GAB2: variants seen among roughly 807,000 people sequenced by gnomAD.
The protein encoded by GAB2 is GRB2 associated binding protein 2, also known as GRB2-associated-binding protein 2.
In GAB2, 26 loss-of-function variants were observed where a neutral mutation model predicts 65.5. The ratio of observed to expected loss-of-function variants is 0.40; its 90% CI spans 0.29 to 0.55. The LOEUF is 0.55. Among genes scored for constraint, GAB2 ranks in the 20% least tolerant of loss-of-function variants. GAB2 has a pLI of 0.53. For missense variants in GAB2, 884 were observed against 875.8 expected, an observed-to-expected ratio of 1.01 and a Z score of -0.12; for synonymous variants, 321 against 329.6, an observed-to-expected ratio of 0.97 and a Z score of 0.28.
At chr11:78,259,766 A>C (rs1421843329) in intron 2 of GAB2, among the ~76,000 whole-genome samples, 1 of 152,208 alleles carries the variant, frequency 6.6e-6, no homozygotes, top group Non-Finnish European at 1.5e-5. Flanking sequence ...ACAGTTTGAG[A>C]AACTGTGGCC....
chr11:78,279,323 G>A lies in GAB2; in HGVS notation c.376+1278C>T, dbSNP rs145855126. On this transcript the variant is annotated intron_variant, in intron 2 of 9. Transcript: ENST00000361507. ...AGATAGTAATAGTGGAGTGTTAAAC[G>A]AAGTGCAAGACCTTCTAAGGATGGG... 1.5e-4 allele frequency among the ~76,000 whole-genome samples: 23 copies of A among 152,212 alleles called. 1 individual carries two copies. Among genetic ancestry groups the A allele is most frequent in the Admixed American group, 1.5e-3 (23 of 15,288 alleles).
intron 9 of GAB2, among the ~76,000 whole-genome samples, chr11:78,220,005 G>T (rs1370433430): frequency 6.6e-6 from 1 of 152,082 alleles, no homozygotes; most frequent in South Asian, 2.1e-4. Flanking sequence ...CTCATTCCTG[G>T]ATCTGTTGCT....
At chr11:78,241,231 A>C (rs1430226858) in intron 3 of GAB2, among the ~76,000 whole-genome samples, 1 of 152,236 alleles carries the variant, frequency 6.6e-6, no homozygotes, top group African/African-American at 2.4e-5. Context: ...CATGGAGACT[A>C]TACCATTGCA....
chr11:78,331,884 A>C (rs188962059), intron 1 of GAB2, among the ~76,000 whole-genome samples: 68 of 152,250 alleles, frequency 4.5e-4, no homozygotes, highest in African/African-American at 1.4e-3. Flanking sequence ...TATAGCCCAG[A>C]GGACACCATC....
chr11:78,273,111 C>A (rs1866062227), intron 2 of GAB2, among the ~76,000 whole-genome samples: 1 of 152,240 alleles, frequency 6.6e-6, no homozygotes, highest in Non-Finnish European at 1.5e-5. Flanking sequence ...CATGGAAAAC[C>A]TCTGCTAGGG....
intron 2 of GAB2, among the ~76,000 whole-genome samples, chr11:78,266,735 G>C (rs1315330587): frequency 2.6e-5 from 4 of 152,154 alleles, no homozygotes; most frequent in African/African-American, 9.7e-5. Context: ...GAATCACTAA[G>C]AGGAGTTCCA....
At chr11:78,369,881 GTTTT>G (rs1019528215) in intron 1 of GAB2, among the ~76,000 whole-genome samples, 4 of 152,126 alleles carry the variant, frequency 2.6e-5, no homozygotes, top group African/African-American at 7.2e-5. Context: ...CTGGCGTGGG[GTTTT>G]TTGTTTGTTT....
intron 2 of GAB2, among the ~76,000 whole-genome samples, chr11:78,279,079 A>G (rs1866257489): frequency 6.6e-6 from 1 of 152,168 alleles, no homozygotes; most frequent in Non-Finnish European, 1.5e-5. Context: ...ATAAATGACA[A>G]AGATTTGGGG....
chr11:78,278,242 G>C (rs1425258318), intron 2 of GAB2, among the ~76,000 whole-genome samples: 2 of 151,632 alleles, frequency 1.3e-5, no homozygotes, highest in Admixed American at 1.3e-4. Context: ...GTTAATTTTT[G>C]TATTTGTAGT....
intron 1 of GAB2, among the ~76,000 whole-genome samples, chr11:78,334,239 TTG>T: frequency 6.6e-6 from 1 of 152,368 alleles, no homozygotes; most frequent in African/African-American, 2.4e-5. Context: ...CATTTATCCT[TTG>T]TGTTACAAAT....
intron 1 of GAB2, among the ~76,000 whole-genome samples, chr11:78,351,870 G>T (rs1014915583): frequency 1.3e-5 from 2 of 152,114 alleles, no homozygotes; most frequent in Non-Finnish European, 2.9e-5. Context: ...CTTGTACTTT[G>T]ACAGGGACTT....
chr11:78,268,144 A>T (rs558069324), intron 2 of GAB2, among the ~76,000 whole-genome samples: 1 of 152,150 alleles, frequency 6.6e-6, no homozygotes, highest in African/African-American at 2.4e-5. Flanking sequence ...TGCTATACTC[A>T]AAGTGGCTCC....
chr11:78,372,702 C>A (rs1323953903), intron 1 of GAB2, among the ~76,000 whole-genome samples: 1 of 152,162 alleles, frequency 6.6e-6, no homozygotes, highest in Non-Finnish European at 1.5e-5. Context: ...TAATTCCAGT[C>A]TTTACATGCT....
chr11:78,309,200 T>TA (rs1372180991), intron 1 of GAB2, among the ~76,000 whole-genome samples: 2 of 152,134 alleles, frequency 1.3e-5, no homozygotes, highest in African/African-American at 2.4e-5. Context: ...AGGGAAATAT[T>TA]AAGAGTAGCA....
intron 3 of GAB2, among the ~76,000 whole-genome samples, chr11:78,247,969 T>C (rs1224964890): frequency 6.6e-6 from 1 of 152,234 alleles, no homozygotes; most frequent in Admixed American, 6.5e-5. Flanking sequence ...GTCAAAGGCC[T>C]ACAACAATGT....
Position 78,344,970 on chromosome 11 carries a change from C to T in GAB2, c.76-64069G>A, listed in dbSNP as rs567769727. 8.8e-4 allele frequency among the ~76,000 whole-genome samples: 134 copies of T among 152,258 alleles called. 3 individuals carry two copies. In the South Asian group the frequency reaches 0.027, roughly 30 times the overall value. On this transcript the variant is annotated intron_variant, in intron 1 of 9. Coordinates refer to ENST00000361507, the MANE Select transcript of GAB2 (RefSeq NM_080491.3). ...ATAATAAGCATTGTTAAGCTTATAA[C>T]ATTAAGTGAAATAAACTGTACCCAG...
At chr11:78,378,769 C>A (rs192298061) in intron 1 of GAB2, among the ~76,000 whole-genome samples, 1 of 152,154 alleles carries the variant, frequency 6.6e-6, no homozygotes, top group Non-Finnish European at 1.5e-5. Context: ...GGGATTATAA[C>A]CACGAGCCAC....
At chr11:78,349,271 G>T (rs907130731) in intron 1 of GAB2, among the ~76,000 whole-genome samples, 1 of 152,170 alleles carries the variant, frequency 6.6e-6, no homozygotes, top group South Asian at 2.1e-4. Flanking sequence ...CATATCTCAC[G>T]ATCACTGGGA....
intron 2 of GAB2, among the ~76,000 whole-genome samples, chr11:78,269,850 G>A (rs1178223853): frequency 6.6e-6 from 1 of 152,226 alleles, no homozygotes; most frequent in Non-Finnish European, 1.5e-5. Context: ...TGTGACTACT[G>A]TGAAATTCCT....
Sources: allele counts gnomAD v4.1 joint callset (sites outside exome capture counted in the v4.1 genomes callset), GRCh38; gene constraint gnomAD v4.1.1; transcripts MANE v1.5; gene names NCBI Gene and HGNC (gene_info 2026-07-23, HGNC 2026-07-21).